HEXA: variants seen among roughly 807,000 people sequenced by gnomAD.
HEXA encodes hexosaminidase subunit alpha, also known as beta-hexosaminidase subunit alpha.
A neutral mutation model predicts 73.3 loss-of-function variants in HEXA; 54 were observed. The ratio of observed to expected loss-of-function variants is 0.74; its 90% CI spans 0.59 to 0.92. HEXA has a LOEUF of 0.92. Ranked by LOEUF, HEXA falls within the 40% of genes least tolerant of loss-of-function variation. HEXA has a pLI of 0.00. For synonymous variants in HEXA, 230 were observed against 246.9 expected, an observed-to-expected ratio of 0.93 and a Z score of 0.64; for missense variants, 649 against 653.0, an observed-to-expected ratio of 0.99 and a Z score of 0.07.
chr15:72,349,163 A>C lies in HEXA; in HGVS notation c.902T>G (p.Met301Arg), dbSNP rs121907977. 1.2e-5 allele frequency: 19 copies of C among 1,613,758 alleles called. No homozygotes were observed. The South Asian group carries it at 1.9e-4, about 16-fold the overall frequency. ...GCTGACTTCTAAGAAGAATGTGCTC[A>C]TGAACTCATAGGTATTATTGAGACT... Reference protein sequence around the residue: ...NPSLNNTYEFMSTFFLEVSSV... With the variant: ...NPSLNNTYEFRSTFFLEVSSV... The change falls in exon 8 of 14, where the codon ATG (methionine) becomes AGG (arginine). Residue 301 changes from methionine (M) to arginine (R), a missense_variant. Transcript: ENST00000268097.
At chr15:72,351,322 C>T in intron 5 of HEXA, 88 bp from the exon 6 acceptor site, 1 of 823,880 alleles carries the variant, frequency 1.2e-6, no homozygotes, top group Non-Finnish European at 2.2e-6. Context: ...TCTCAGGCCG[C>T]TCCACACACC....
intron 12 of HEXA, 141 bp downstream of exon 12, chr15:72,346,094 A>G (rs2088608685): frequency 1.5e-6 from 1 of 686,526 alleles, no homozygotes; most frequent in South Asian, 1.6e-5. Flanking sequence ...ACAAATCTTC[A>G]GAAGGCTCGT....
intron 1 of HEXA, among the ~76,000 whole-genome samples, chr15:72,371,969 A>G (rs934382248): frequency 6.6e-6 from 1 of 152,234 alleles, no homozygotes; most frequent in African/African-American, 2.4e-5. Context: ...AGGGATGTGC[A>G]GGTGAACATC....
intron 7 of HEXA, chr15:72,350,173 T>C (rs999356871): frequency 2.7e-6 from 1 of 371,460 alleles, no homozygotes; most frequent in Non-Finnish European, 5.2e-6. Flanking sequence ...GGAGCAGGGG[T>C]ACTGACTGAC....
rs758847344 is a variant in HEXA at position 72,375,989 on chromosome 15, C to A, written c.-17G>T. On this transcript the variant is annotated 5_prime_UTR_variant, in exon 1 of 14. In the 5' UTR this introduces an upstream ATG that the reference lacks. Transcript: ENST00000268097. Reference sequence around the variant, plus strand: ...GCTTGTCATGGCCCGCTGGTCTCCCCTCTCGGAGGGGGCTGGCCACGTGAG... The same window carrying A: ...GCTTGTCATGGCCCGCTGGTCTCCCATCTCGGAGGGGGCTGGCCACGTGAG... 2 of 1,611,760 alleles carry A rather than the reference C, an allele frequency of 1.2e-6. No individual in the cohort carries two copies. The highest frequency in any genetic ancestry group is 1.7e-6 in the Non-Finnish European group (2 of 1,179,992).
intron 13 of HEXA, chr15:72,345,107 G>A: frequency 5.7e-6 from 2 of 352,652 alleles, no homozygotes; most frequent in South Asian, 4.7e-5. Flanking sequence ...CAAAATCCAA[G>A]GATGCTCAAG....
intron 6 of HEXA, 110 bp from the exon 7 acceptor site, chr15:72,350,760 C>A: frequency 8.2e-7 from 1 of 1,224,816 alleles, no homozygotes; most frequent in Non-Finnish European, 1.2e-6. Flanking sequence ...CTGCCCATAG[C>A]CCTTTGGTGT....
intron 1 of HEXA, chr15:72,357,203 G>A (rs1276774382): frequency 1.2e-5 from 2 of 173,616 alleles, no homozygotes; most frequent in Non-Finnish European, 2.5e-5. Flanking sequence ...GCTCTTGAGG[G>A]CTCCAGATGA....
chr15:72,365,744 T>C (rs755005917), intron 1 of HEXA, among the ~76,000 whole-genome samples: 1 of 152,238 alleles, frequency 6.6e-6, no homozygotes, highest in Non-Finnish European at 1.5e-5. Flanking sequence ...TATTGACTAA[T>C]ACATCTTTTC....
In HEXA at chr15:72,344,131, G is replaced by C; in HGVS notation, c.1536C>G (p.Val512=). The change falls in exon 14 of 14, where the codon GTC becomes GTG. Residue 512 remains valine (V), a synonymous_variant. Coordinates refer to ENST00000268097, the MANE Select transcript of HEXA (RefSeq NM_000520.6). ...HFRCELLRRG[V]QAQPLNVGFC... ...AGCCTACATTGAGGGGTTGGGCCTG[G>C]ACACCTCGCCTGCAAGAGGACATGA... The C allele has an allele frequency of 6.2e-7, 1 of 1,613,742 alleles. No individual in the cohort carries two copies. Among genetic ancestry groups the C allele is most frequent in the African/African-American group, 1.3e-5 (1 of 75,002 alleles).
chr15:72,363,430 A>G (rs1441352976), intron 1 of HEXA, among the ~76,000 whole-genome samples: 1 of 152,206 alleles, frequency 6.6e-6, no homozygotes, highest in African/African-American at 2.4e-5. Context: ...ATTGGTGTTC[A>G]CCAAGCTACC....
chr15:72,356,832 T>C, intron 1 of HEXA: 1 of 674,272 alleles, frequency 1.5e-6, no homozygotes, highest in South Asian at 1.6e-5. Flanking sequence ...CTGACCCATG[T>C]CTGAATGCTC....
At chr15:72,348,242 C>T in intron 8 of HEXA, 108 bp from the exon 9 acceptor site, 5 of 778,848 alleles carry the variant, frequency 6.4e-6, no homozygotes, top group Non-Finnish European at 1.1e-5. Context: ...CCTGAAAAAT[C>T]AAATAAGCAA....
At chr15:72,363,459 C>T (rs1281570191) in intron 1 of HEXA, among the ~76,000 whole-genome samples, 1 of 152,208 alleles carries the variant, frequency 6.6e-6, no homozygotes, top group Non-Finnish European at 1.5e-5. Context: ...AAAAGGTATT[C>T]CAAGCCTGGG....
At chr15:72,349,334 C>A in intron 7 of HEXA, 75 bp from the exon 8 acceptor site, 1 of 1,170,598 alleles carries the variant, frequency 8.5e-7, no homozygotes, top group South Asian at 1.2e-5. Context: ...CGTAAGGACA[C>A]GAGTCACACA....
chr15:72,344,546 T>C (rs2088585847), intron 13 of HEXA, among the ~76,000 whole-genome samples: 1 of 152,206 alleles, frequency 6.6e-6, no homozygotes, highest in South Asian at 2.1e-4. Flanking sequence ...ATGGTGGCAC[T>C]GGGGGACTTA....
intron 13 of HEXA, 24 bp from the exon 14 acceptor site, chr15:72,344,164 G>T: frequency 6.2e-7 from 1 of 1,604,354 alleles, no homozygotes; most frequent in Non-Finnish European, 8.5e-7. Flanking sequence ...TGAAGAAATG[G>T]CAAGATAAGC....
chr15:72,354,268 G>A (rs2088742342), intron 3 of HEXA: 1 of 166,110 alleles, frequency 6.0e-6, no homozygotes, highest in Non-Finnish European at 1.3e-5. Context: ...CCTCTTCAGA[G>A]TCTAAGAAGA....
intron 12 of HEXA, 73 bp from the exon 13 acceptor site, chr15:72,345,623 T>C: frequency 1.3e-6 from 2 of 1,587,862 alleles, no homozygotes; most frequent in Non-Finnish European, 1.7e-6. Flanking sequence ...CACAGGCTGC[T>C]ACCTCTTGTC....
Sources: allele counts gnomAD v4.1 joint callset (sites outside exome capture counted in the v4.1 genomes callset), GRCh38; gene constraint gnomAD v4.1.1; transcripts MANE v1.5; gene names NCBI Gene and HGNC (gene_info 2026-07-23, HGNC 2026-07-21).